The following KLHL1 variants were observed in gnomAD, a reference collection of about 807,000 sequenced individuals.
KLHL1 encodes kelch like family member 1.
In KLHL1, 47 loss-of-function variants were observed where a neutral mutation model predicts 77.7. The observed-to-expected ratio is 0.60, with a 90% confidence interval of 0.48 to 0.77. The LOEUF is 0.77. Ranked by LOEUF, KLHL1 falls within the 30% of genes least tolerant of loss-of-function variation. The pLI is 0.00. For missense variants in KLHL1, 925 were observed against 910.8 expected (o/e 1.02, Z -0.20); for synonymous variants, 360 against 325.2 (o/e 1.11, Z -1.15).
chr13:69,754,776 T>A (rs1874636909), intron 7 of KLHL1, among the ~76,000 whole-genome samples: 1 of 152,012 alleles, frequency 6.6e-6, no homozygotes, highest in Non-Finnish European at 1.5e-5. Context: ...ATTGTTCGAG[T>A]CTTATTTTTG....
In KLHL1 at chr13:69,772,053, G is replaced by A. The variant is rs1470721165; in HGVS notation, c.1639+24685C>T. ...TGCAACCTCTGCCTCCTGGGTTCAAGCAATTATCCTGCCTTTGCCTCCCGA... is the reference window on the plus strand; with the variant it reads ...TGCAACCTCTGCCTCCTGGGTTCAAACAATTATCCTGCCTTTGCCTCCCGA... On this transcript the variant is annotated intron_variant, in intron 7 of 10. Coordinates refer to ENST00000377844, the MANE Select transcript of KLHL1 (RefSeq NM_020866.3). 2.6e-5 allele frequency among the ~76,000 whole-genome samples: 4 copies of A among 152,236 alleles called. No individual in the cohort carries two copies. The East Asian group carries it at 7.7e-4, about 29-fold the overall frequency.
At chr13:69,810,139 G>GAAAACT (rs1394823574) in intron 6 of KLHL1, among the ~76,000 whole-genome samples, 2 of 152,096 alleles carry the variant, frequency 1.3e-5, no homozygotes, top group Non-Finnish European at 2.9e-5. Flanking sequence ...TGTTGAGGCA[G>GAAAACT]AAAACTAACG....
intron 2 of KLHL1, among the ~76,000 whole-genome samples, chr13:69,965,487 TG>T (rs1884186711): frequency 6.6e-6 from 1 of 152,146 alleles, no homozygotes; most frequent in African/African-American, 2.4e-5. Flanking sequence ...CCCTTCTCCA[TG>T]GGTCTCCCTG....
Position 69,987,998 on chromosome 13 carries a change from C to T in KLHL1, c.498-12196G>A, listed in dbSNP as rs544231507. Among the ~76,000 whole-genome samples, 3 of 151,636 alleles carry T rather than the reference C, an allele frequency of 2.0e-5. No individual in the cohort carries two copies. In the South Asian group the frequency reaches 6.3e-4, roughly 32 times the overall value. ...TTAGGTTCAGTGGTACATGTTCAGG[C>T]TTGTTATAGAGGCGAACTCATGACT... On this transcript the variant is annotated intron_variant, in intron 1 of 10. Coordinates refer to ENST00000377844, the MANE Select transcript of KLHL1 (RefSeq NM_020866.3).
chr13:69,805,660 A>T (rs900970517), intron 6 of KLHL1, among the ~76,000 whole-genome samples: 5 of 151,362 alleles, frequency 3.3e-5, no homozygotes, highest in African/African-American at 1.2e-4. Context: ...TAAAATTAGC[A>T]AGGTCAGTAC....
intron 2 of KLHL1, among the ~76,000 whole-genome samples, chr13:69,971,222 TA>T (rs1021940264): frequency 7.2e-5 from 11 of 152,060 alleles, no homozygotes; most frequent in African/African-American, 2.4e-4. Flanking sequence ...TTCTGTTTCT[TA>T]AAGACAAAAT....
chr13:69,883,705 T>C lies in KLHL1; in HGVS notation c.1015-1210A>G, dbSNP rs74591187. Among the ~76,000 whole-genome samples, 1,011 of 152,328 alleles carry C rather than the reference T, an allele frequency of 6.6e-3. 11 individuals carry two copies. The highest frequency in any genetic ancestry group is 0.023 in the African/African-American group (972 of 41,568). On this transcript the variant is annotated intron_variant, in intron 4 of 10. Transcript: ENST00000377844. ...TGAATACATGAATTGATAATCTCTG[T>C]AGAGAAAAACAAAATTGTAGAAACA...
intron 6 of KLHL1, among the ~76,000 whole-genome samples, chr13:69,798,713 A>G (rs988867310): frequency 1.3e-5 from 2 of 152,190 alleles, no homozygotes; most frequent in African/African-American, 4.8e-5. Context: ...CTTCAAAGTC[A>G]TCTGGATTCT....
chr13:69,846,592 A>C (rs1336945318), intron 5 of KLHL1, among the ~76,000 whole-genome samples: 1 of 151,504 alleles, frequency 6.6e-6, no homozygotes, highest in Non-Finnish European at 1.5e-5. Flanking sequence ...GGCTTTATTA[A>C]CAAGTTCATT....
At chr13:69,961,124 T>C (rs935332335) in intron 3 of KLHL1, among the ~76,000 whole-genome samples, 184 bp downstream of exon 3, 1 of 152,080 alleles carries the variant, frequency 6.6e-6, no homozygotes, top group Non-Finnish European at 1.5e-5. Flanking sequence ...GAAATGTATA[T>C]GTATACATAT....
intron 7 of KLHL1, among the ~76,000 whole-genome samples, chr13:69,753,741 A>G (rs1276205429): frequency 6.6e-6 from 1 of 152,176 alleles, no homozygotes; most frequent in African/African-American, 2.4e-5. Context: ...TCTCTACTGT[A>G]TTCTAACAGG....
intron 7 of KLHL1, among the ~76,000 whole-genome samples, chr13:69,786,201 T>A (rs1270478484): frequency 2.6e-5 from 4 of 151,794 alleles, no homozygotes; most frequent in Non-Finnish European, 5.9e-5. Flanking sequence ...ACAGACACAA[T>A]CAAAAAAGAG....
chr13:69,715,323 A>T lies in KLHL1; in HGVS notation c.2015+4046T>A, dbSNP rs995553571. On this transcript the variant is annotated intron_variant, in intron 9 of 10. Coordinates refer to ENST00000377844, the MANE Select transcript of KLHL1 (RefSeq NM_020866.3). ...GTTTCCCCCATGCTATTCTTGTGACAGTGAGTGAGTTTCCATGAGATCTGG... is the reference window on the plus strand; with the variant it reads ...GTTTCCCCCATGCTATTCTTGTGACTGTGAGTGAGTTTCCATGAGATCTGG... 2.0e-5 allele frequency among the ~76,000 whole-genome samples: 3 copies of T among 152,194 alleles called. No homozygotes were observed. The East Asian group carries it at 5.8e-4, about 30-fold the overall frequency.
In KLHL1 at chr13:69,910,321, C is replaced by A. The variant is rs534224402; in HGVS notation, c.1015-27826G>T. 2.0e-5 allele frequency among the ~76,000 whole-genome samples: 3 copies of A among 152,008 alleles called. No homozygotes were observed. In the South Asian group the frequency reaches 6.2e-4, roughly 32 times the overall value. Reference sequence around the variant, plus strand: ...TTGAAGTCATTACAAATCTAGACACCACTCTGTAGAATGGTTTGCCTCTAG... The same window carrying A: ...TTGAAGTCATTACAAATCTAGACACAACTCTGTAGAATGGTTTGCCTCTAG... On this transcript the variant is annotated intron_variant, in intron 4 of 10. Coordinates refer to ENST00000377844, the MANE Select transcript of KLHL1 (RefSeq NM_020866.3).
chr13:70,000,367 A>C (rs1226238096), intron 1 of KLHL1, among the ~76,000 whole-genome samples: 2 of 152,060 alleles, frequency 1.3e-5, no homozygotes, highest in East Asian at 3.9e-4. Context: ...ATAACCTCCA[A>C]ATAGCTAGAA....
At chr13:70,101,804 T>G (rs1217214804) in intron 1 of KLHL1, among the ~76,000 whole-genome samples, 1 of 152,146 alleles carries the variant, frequency 6.6e-6, no homozygotes, top group Admixed American at 6.5e-5. Context: ...CTAGATATTG[T>G]GGACTCCTGG....
chr13:69,795,393 T>C (rs1877058746), intron 7 of KLHL1, among the ~76,000 whole-genome samples: 1 of 152,180 alleles, frequency 6.6e-6, no homozygotes, highest in African/African-American at 2.4e-5. Flanking sequence ...TGTCTAAATC[T>C]GTGGATTTGC....
At chr13:69,818,004 T>C (rs566442261) in intron 6 of KLHL1, among the ~76,000 whole-genome samples, 46 of 152,082 alleles carry the variant, frequency 3.0e-4, no homozygotes, top group Non-Finnish European at 8.8e-5. Flanking sequence ...TGAACCACCC[T>C]CAGAAGAGGC....
intron 7 of KLHL1, among the ~76,000 whole-genome samples, chr13:69,786,815 GATACAAAATCAAT>G (rs1725103060): frequency 6.6e-6 from 1 of 152,168 alleles, no homozygotes; most frequent in African/African-American, 2.4e-5. Context: ...AAAGTCTCAG[GATACAAAATCAAT>G]GTACAAAAAT....
Sources: gnomAD v4.1 joint callset for allele counts (sites outside exome capture counted in the v4.1 genomes callset) on GRCh38, gnomAD v4.1.1 for gene constraint, MANE v1.5 for transcripts, NCBI Gene and HGNC (gene_info 2026-07-23, HGNC 2026-07-21) for gene names.